The following METTL9 variants were observed in gnomAD, a reference collection of about 807,000 sequenced individuals.
The protein encoded by METTL9 is methyltransferase 9, His-X-His N1(pi)-histidine.
METTL9 carries 10 observed loss-of-function variants against 36.0 expected under a neutral mutation model. That is an observed-to-expected ratio of 0.28 (90% CI 0.17 to 0.47). The LOEUF (loss-of-function observed/expected upper bound fraction) is 0.47. Among genes scored for constraint, METTL9 ranks in the 20% least tolerant of loss-of-function variants. The pLI is 0.99. For missense variants in METTL9, 246 were observed against 383.5 expected (o/e 0.64, Z 3.00); for synonymous variants, 175 against 149.7 (o/e 1.17, Z -1.23).
rs1257345135 is a variant in METTL9 at position 21,599,969 on chromosome 16, T to C, written c.165+71T>C. 33 of 1,200,756 alleles carry C rather than the reference T, an allele frequency of 2.7e-5. No homozygotes were observed. The highest frequency in any genetic ancestry group is 4.5e-5 in the Admixed American group (1 of 22,456). 74.4% of individuals were successfully genotyped at this position (1,200,756 alleles called of 1,614,324 possible). ...CTTCCCGCGCTGGGCCCGGCTATTGTGCGGGACGGCTCCGCGAGGGGGCGG... is the reference window on the plus strand; with the variant it reads ...CTTCCCGCGCTGGGCCCGGCTATTGCGCGGGACGGCTCCGCGAGGGGGCGG... On this transcript the variant is annotated intron_variant, in intron 1 of 4. Transcript: ENST00000358154. This position sits in a 1 kb window ranked among gnomAD's most constrained non-coding sequence, Gnocchi z 4.4.
chr16:21,627,749 C>A (rs930459332), intron 4 of METTL9, among the ~76,000 whole-genome samples: 1 of 152,036 alleles, frequency 6.6e-6, no homozygotes, highest in Non-Finnish European at 1.5e-5. Flanking sequence ...GAGATCGAGA[C>A]CATCCTGAGT....
intron 1 of METTL9, among the ~76,000 whole-genome samples, chr16:21,600,287 C>G (rs1192607093): frequency 6.6e-6 from 1 of 152,200 alleles, no homozygotes; most frequent in Non-Finnish European, 1.5e-5. Flanking sequence ...ACTGAAGAGA[C>G]CCGGCCAGAT....
chr16:21,647,605 C>T (rs967637627), intron 4 of METTL9: 58 of 1,331,190 alleles, frequency 4.4e-5, no homozygotes, highest in Non-Finnish European at 5.5e-5. Flanking sequence ...TACCTTAATC[C>T]CAATATAAAT....
intron 4 of METTL9, among the ~76,000 whole-genome samples, chr16:21,643,939 G>A (rs1337731286): frequency 1.3e-5 from 2 of 152,090 alleles, no homozygotes; most frequent in South Asian, 4.2e-4. Flanking sequence ...CTTAAAGACT[G>A]TTCTTAAGGC....
chr16:21,599,126 T>G (rs1965021153), upstream of METTL9, among the ~76,000 whole-genome samples: 1 of 152,096 alleles, frequency 6.6e-6, no homozygotes. This position sits in a 1 kb window ranked among gnomAD's most constrained non-coding sequence, Gnocchi z 4.4. Flanking sequence ...ATGACTCCCC[T>G]CTTTGCGCCC....
In METTL9 at chr16:21,657,089, A is replaced by G. The variant is rs1966726291; in HGVS notation, c.*1657A>G. ...TTAGACTGTCAAGCAGAAGTGATGGATGTTCAAGGAGGCAGGTTGCCCCAA... is the reference window on the plus strand; with the variant it reads ...TTAGACTGTCAAGCAGAAGTGATGGGTGTTCAAGGAGGCAGGTTGCCCCAA... On this transcript the variant is annotated 3_prime_UTR_variant, in exon 5 of 5. Coordinates refer to ENST00000358154, the MANE Select transcript of METTL9 (RefSeq NM_016025.5). 6.6e-6 allele frequency: 1 copy of G among 152,082 alleles called. No individual in the cohort carries two copies. Among genetic ancestry groups the G allele is most frequent in the Non-Finnish European group, 1.5e-5 (1 of 68,012 alleles). 9.4% of individuals were successfully genotyped at this position (152,082 alleles called of 1,614,324 possible).
At chr16:21,645,101 C>CA (rs1567345524) in intron 4 of METTL9, among the ~76,000 whole-genome samples, 1 of 152,130 alleles carries the variant, frequency 6.6e-6, no homozygotes, top group African/African-American at 2.4e-5. Context: ...ATTTGGAGTA[C>CA]AAAATACAAT....
chr16:21,604,320 A>G (rs549963703), intron 1 of METTL9, among the ~76,000 whole-genome samples: 3 of 152,254 alleles, frequency 2.0e-5, no homozygotes, highest in African/African-American at 7.2e-5. Flanking sequence ...AGGAGTCTTT[A>G]TGTTTCTCTT....
At chr16:21,630,452 G>A (rs576443148) in intron 4 of METTL9, among the ~76,000 whole-genome samples, 12 of 152,350 alleles carry the variant, frequency 7.9e-5, no homozygotes, top group African/African-American at 1.9e-4. Context: ...AGCCGACGCC[G>A]TGGCCGAGGG....
rs1337515148 is a variant in METTL9 at position 21,656,687 on chromosome 16, G to T, written c.*1255G>T. On this transcript the variant is annotated 3_prime_UTR_variant, in exon 5 of 5. Transcript: ENST00000358154. ...ACTTTATTTCTTTTTTCATCCAGGT[G>T]TTTCATTAAGTATTCTCATTTATAT... The T allele has an allele frequency of 6.6e-6, 1 of 152,132 alleles. No individual in the cohort carries two copies. The highest frequency in any genetic ancestry group is 1.5e-5 in the Non-Finnish European group (1 of 68,022). 9.4% of individuals were successfully genotyped at this position (152,132 alleles called of 1,614,324 possible). A position where few individuals can be genotyped will look rare whatever the true frequency, so the allele number is the denominator to read the frequency against.
At chr16:21,624,032 G>C (rs1965765450) in intron 3 of METTL9, among the ~76,000 whole-genome samples, 2 of 152,148 alleles carry the variant, frequency 1.3e-5, no homozygotes, top group East Asian at 3.9e-4. Flanking sequence ...GCCTCCCAAA[G>C]TGCTAGGATT....
At chr16:21,645,414 G>A (rs372243713) in intron 4 of METTL9, among the ~76,000 whole-genome samples, 3 of 152,006 alleles carry the variant, frequency 2.0e-5, no homozygotes, top group South Asian at 2.1e-4. Flanking sequence ...CTGAGATCAC[G>A]CCACGGCACT....
chr16:21,644,678 A>G (rs558246894), intron 4 of METTL9, among the ~76,000 whole-genome samples: 2 of 152,350 alleles, frequency 1.3e-5, no homozygotes, highest in East Asian at 1.9e-4. Context: ...CTTTTTAGAT[A>G]AAGGATTATT....
upstream of METTL9, among the ~76,000 whole-genome samples, chr16:21,597,712 A>C (rs998225620): frequency 5.3e-5 from 8 of 152,198 alleles, no homozygotes; most frequent in African/African-American, 1.7e-4. Context: ...CTTTAAAAAG[A>C]TGAAGGCTTC....
At chr16:21,622,792 C>G (rs958034264) in intron 3 of METTL9, among the ~76,000 whole-genome samples, 3 of 152,168 alleles carry the variant, frequency 2.0e-5, no homozygotes, top group Non-Finnish European at 4.4e-5. Context: ...CAGAGGCTAC[C>G]TATCTGAAAC....
chr16:21,637,314 G>A (rs999813320), intron 4 of METTL9, among the ~76,000 whole-genome samples: 6 of 151,928 alleles, frequency 3.9e-5, no homozygotes, highest in South Asian at 2.1e-4. Flanking sequence ...TGATTGGTGC[G>A]TTTAGAATCC....
chr16:21,612,474 T>C lies in METTL9; in HGVS notation c.166-171T>C, dbSNP rs79303930. Among the ~76,000 whole-genome samples the C allele has an allele frequency of 4.4e-3, 673 of 152,276 alleles. 4 individuals carry two copies. Among genetic ancestry groups the C allele is most frequent in the African/African-American group, 0.015 (615 of 41,548 alleles). On this transcript the variant is annotated intron_variant, in intron 1 of 4. Transcript: ENST00000358154. ...GTCATGTCTGAAGAAGTACTTTATA[T>C]TTTATAGGTTATATGAGTATACGAA... is the stretch of plus-strand genomic sequence containing the variant.
chr16:21,636,479 G>C (rs1005864099), intron 4 of METTL9, among the ~76,000 whole-genome samples: 2 of 152,190 alleles, frequency 1.3e-5, no homozygotes, highest in Non-Finnish European at 2.9e-5. Context: ...CAAGAGGTGA[G>C]AGGAAGTTTG....
chr16:21,606,797 T>C (rs932275321), intron 1 of METTL9, among the ~76,000 whole-genome samples: 9 of 152,230 alleles, frequency 5.9e-5, no homozygotes, highest in African/African-American at 2.2e-4. Flanking sequence ...TTTTTTATTA[T>C]ACCACATCAT....
Sources: allele counts gnomAD v4.1 joint callset (sites outside exome capture counted in the v4.1 genomes callset), GRCh38; gene constraint gnomAD v4.1.1; non-coding constraint Gnocchi (gnomAD v3.1); transcripts MANE v1.5; gene names NCBI Gene and HGNC (gene_info 2026-07-23, HGNC 2026-07-21).